NADK2: variants seen among roughly 807,000 people sequenced by gnomAD.
NADK2 encodes NAD kinase 2, mitochondrial.
Under a neutral mutation model 62.1 loss-of-function variants are expected in NADK2, and 35 were observed. The ratio of observed to expected loss-of-function variants is 0.56; its 90% CI spans 0.43 to 0.75. The LOEUF (loss-of-function observed/expected upper bound fraction) is 0.75. Ranked by LOEUF, NADK2 falls within the 30% of genes least tolerant of loss-of-function variation. The pLI is 0.00. For missense variants in NADK2, 439 were observed against 561.3 expected, an observed-to-expected ratio of 0.78 and a Z score of 2.20; for synonymous variants, 205 against 207.9, an observed-to-expected ratio of 0.99 and a Z score of 0.12.
intron 8 of NADK2, among the ~76,000 whole-genome samples, chr5:36,202,560 A>G (rs1038811760): frequency 6.6e-6 from 1 of 152,094 alleles, no homozygotes; most frequent in Non-Finnish European, 1.5e-5. Context: ...GAGACAGAAT[A>G]ACTATTCCCC....
chr5:36,201,978 C>T (rs1017047752), intron 8 of NADK2, among the ~76,000 whole-genome samples: 1 of 151,986 alleles, frequency 6.6e-6, no homozygotes. Flanking sequence ...TTGAATTCTT[C>T]TACTGCCTCA....
intron 4 of NADK2, among the ~76,000 whole-genome samples, chr5:36,222,394 A>C (rs1747306677): frequency 6.6e-6 from 1 of 152,148 alleles, no homozygotes; most frequent in Non-Finnish European, 1.5e-5. Context: ...GTTGGTGGAC[A>C]CTCATATAGT....
intron 1 of NADK2, among the ~76,000 whole-genome samples, chr5:36,228,454 T>A (rs1393302251): frequency 6.6e-6 from 1 of 152,082 alleles, no homozygotes; most frequent in East Asian, 1.9e-4. Flanking sequence ...GTTCTTGAGA[T>A]GCTGTCTTGC....
At chr5:36,236,991 T>G (rs1747936361) in intron 1 of NADK2, among the ~76,000 whole-genome samples, 1 of 151,980 alleles carries the variant, frequency 6.6e-6, no homozygotes, top group African/African-American at 2.4e-5. Flanking sequence ...AAATACCATC[T>G]TTCACCCACC....
In NADK2 at chr5:36,201,175, T is replaced by C. The variant is rs1304931461; in HGVS notation, c.957-14A>G. 1.0e-5 allele frequency: 16 copies of C among 1,604,346 alleles called. No individual in the cohort carries two copies. The highest frequency in any genetic ancestry group is 8.5e-6 in the Non-Finnish European group (10 of 1,172,900). Reference sequence around the variant, plus strand: ...ATATTGAATGACCTAGAAACAAAAATCACATAATTCTTAGTTTTAATTCTA... The same window carrying C: ...ATATTGAATGACCTAGAAACAAAAACCACATAATTCTTAGTTTTAATTCTA... On this transcript the variant is annotated splice_polypyrimidine_tract_variant and intron_variant, in intron 8 of 11. Transcript: ENST00000381937.
intron 11 of NADK2, among the ~76,000 whole-genome samples, chr5:36,196,241 CT>C (rs1746229009): frequency 6.6e-6 from 1 of 152,136 alleles, no homozygotes; most frequent in African/African-American, 2.4e-5. Context: ...ATTTTCCAAG[CT>C]ATATATTCCT....
At chr5:36,195,376 A>G in intron 11 of NADK2, 94 bp from the exon 12 acceptor site, 2 of 1,300,608 alleles carry the variant, frequency 1.5e-6, no homozygotes, top group Non-Finnish European at 2.1e-6. Flanking sequence ...TTTGGCCTCC[A>G]TTTTAAAAAT....
chr5:36,214,572 C>T (rs910521048), intron 6 of NADK2, among the ~76,000 whole-genome samples: 7 of 152,200 alleles, frequency 4.6e-5, no homozygotes, highest in Admixed American at 3.9e-4. Context: ...CAAACTACTA[C>T]ACTGTGTAAT....
chr5:36,213,677 A>G (rs1349096597), intron 6 of NADK2, among the ~76,000 whole-genome samples: 4 of 144,608 alleles, frequency 2.8e-5, no homozygotes, highest in Non-Finnish European at 4.6e-5. Flanking sequence ...TAAGAATAAA[A>G]CTGGCTTTAA....
chr5:36,200,337 A>G (rs1746393182), intron 9 of NADK2, 57 bp from the exon 10 acceptor site: 24 of 1,129,792 alleles, frequency 2.1e-5, no homozygotes, highest in Admixed American at 2.9e-5. Context: ...TCTTATATAT[A>G]TATTTTCCTT....
intron 1 of NADK2, among the ~76,000 whole-genome samples, chr5:36,236,591 T>TCC (rs1203468428): frequency 6.6e-6 from 1 of 152,094 alleles, no homozygotes; most frequent in Non-Finnish European, 1.5e-5. Flanking sequence ...AGGAAGCTGG[T>TCC]CCCCAGGCTC....
intron 6 of NADK2, 63 bp from the exon 7 acceptor site, chr5:36,211,985 A>C: frequency 1.6e-6 from 2 of 1,249,800 alleles, no homozygotes; most frequent in Non-Finnish European, 2.3e-6. Context: ...AATGTTATAA[A>C]AATTTTATAA....
rs199828895 is a variant in NADK2 at position 36,219,650 on chromosome 5, C to T, written c.590G>A (p.Arg197Gln). The T allele has an allele frequency of 6.5e-5, 105 of 1,613,868 alleles. No individual in the cohort carries two copies. In the African/African-American group the frequency reaches 1.2e-3, roughly 18 times the overall value. ...GGCTTCTGGAAAGGAATGTGTATATCGAACGGGCAGGCATAAATGACCCTC... is the reference window on the plus strand; with the variant it reads ...GGCTTCTGGAAAGGAATGTGTATATTGAACGGGCAGGCATAAATGACCCTC... ...RSEGHLCLPVRYTHSFPEALQ... is the reference protein window; with the variant it reads ...RSEGHLCLPVQYTHSFPEALQ... The change falls in exon 5 of 12, where the codon CGA (arginine) becomes CAA (glutamine). Residue 197 changes from arginine (R) to glutamine (Q), a missense_variant. By Grantham distance (43) the Arg-to-Gln change is conservative. Transcript: ENST00000381937.
chr5:36,211,891 T>C lies in NADK2; in HGVS notation c.813A>G (p.Pro271=). The change falls in exon 7 of 12, where the codon CCA becomes CCG. Residue 271 remains proline (P), a synonymous_variant. Coordinates refer to ENST00000381937, the MANE Select transcript of NADK2 (RefSeq NM_001085411.3). The part of the protein sequence containing the change: ...RSEASGPQLL[P]VRALNEVFIG... ...TGAAGACTTCATTTAGTGCTCTCAC[T>C]GGCAGAAGTTGGGGTCCTGAAGCCT... 1 of 1,613,628 alleles carries C rather than the reference T, an allele frequency of 6.2e-7. No homozygotes were observed. Among genetic ancestry groups the C allele is most frequent in the Non-Finnish European group, 8.5e-7 (1 of 1,179,714 alleles).
In NADK2 at chr5:36,225,633, A is replaced by G. The variant is rs1489809290; in HGVS notation, c.479-10T>C. On this transcript the variant is annotated splice_polypyrimidine_tract_variant and intron_variant, in intron 3 of 11. Transcript: ENST00000381937. ...AGCATTGTGCCATCACCTAAGGAAC[A>G]TAAGACAAAATACAAGACATAACCA... 6.2e-6 allele frequency: 10 copies of G among 1,607,904 alleles called. No individual in the cohort carries two copies. Among genetic ancestry groups the G allele is most frequent in the East Asian group, 2.2e-5 (1 of 44,854 alleles).
chr5:36,228,795 T>A (rs1357906865), intron 1 of NADK2, among the ~76,000 whole-genome samples: 2 of 137,152 alleles, frequency 1.5e-5, no homozygotes, highest in Non-Finnish European at 3.1e-5. Context: ...ATTTATTTTA[T>A]TTTTTTTTTT....
chr5:36,199,839 T>C (rs536471605), intron 10 of NADK2, among the ~76,000 whole-genome samples: 2 of 152,096 alleles, frequency 1.3e-5, no homozygotes, highest in East Asian at 3.9e-4. Flanking sequence ...GGGAGAAGAA[T>C]GTTAAAAAGA....
chr5:36,207,060 A>C (rs1466813685), intron 8 of NADK2, 110 bp downstream of exon 8: 3 of 832,668 alleles, frequency 3.6e-6, no homozygotes, highest in African/African-American at 3.5e-5. Flanking sequence ...GCCTACCTAC[A>C]TAACACCACC....
intron 1 of NADK2, among the ~76,000 whole-genome samples, chr5:36,236,473 C>T (rs1052417102): frequency 6.6e-6 from 1 of 152,122 alleles, no homozygotes; most frequent in Admixed American, 6.5e-5. Context: ...ACATTTAACC[C>T]GAAACCTCTA....
Sources: allele counts gnomAD v4.1 joint callset (sites outside exome capture counted in the v4.1 genomes callset), GRCh38; gene constraint gnomAD v4.1.1; transcripts MANE v1.5; gene names NCBI Gene and HGNC (gene_info 2026-07-23, HGNC 2026-07-21).